The following ERCC6 variants were observed in gnomAD, a reference collection of about 807,000 sequenced individuals.
ERCC6 encodes the protein DNA excision repair protein ERCC-6.
In ERCC6, 116 loss-of-function variants were observed where a neutral mutation model predicts 158.7. That is an observed-to-expected ratio of 0.73 (90% CI 0.63 to 0.85). The LOEUF (loss-of-function observed/expected upper bound fraction) is 0.85. ERCC6 is among the 40% of genes least tolerant of loss of function. The pLI, the probability that ERCC6 is intolerant of heterozygous loss-of-function variation, is 0.00. For missense variants in ERCC6, 1,698 were observed against 1,799.4 expected (o/e 0.94, Z 1.02); for synonymous variants, 678 against 659.3 (o/e 1.03, Z -0.43).
At chr10:49,480,874 T>C (rs1278821031) in intron 10 of ERCC6, among the ~76,000 whole-genome samples, 2 of 152,168 alleles carry the variant, frequency 1.3e-5, no homozygotes, top group East Asian at 1.9e-4. Flanking sequence ...AACAGGCCTA[T>C]AGTCTTTAAA....
rs1811934800 is a variant in ERCC6, at chr10:49,470,723, T to C, written c.3237A>G (p.Glu1079=). The part of the protein sequence containing the change: ...SEEKSEAKGA[E]VNAVTSNRSD... Reference sequence around the variant, plus strand: ...TTCGATTAGAAGTTACTGCATTTACTTCAGCTCCTTTAGCCTCAGATTTCT... The same window carrying C: ...TTCGATTAGAAGTTACTGCATTTACCTCAGCTCCTTTAGCCTCAGATTTCT... Residue 1079 remains glutamate, a synonymous_variant, in exon 18 of 21, where the codon GAA becomes GAG. Transcript: ENST00000355832. 1 of 1,614,164 alleles carries C rather than the reference T, an allele frequency of 6.2e-7. No homozygotes were observed. The highest frequency in any genetic ancestry group is 8.5e-7 in the Non-Finnish European group (1 of 1,180,044).
chr10:49,442,000 T>C, the ERCC6 span, among the ~76,000 whole-genome samples: 3,682 of 152,200 alleles, frequency 0.024, 160 homozygotes, highest in African/African-American at 0.083. Flanking sequence ...TCCAGGACCA[T>C]CTTTGTTGCC....
intron 8 of ERCC6, chr10:49,488,038 C>T (rs2132558038): frequency 6.5e-6 from 1 of 154,776 alleles, no homozygotes; most frequent in South Asian, 2.0e-4. Flanking sequence ...TTATGGACGG[C>T]TCTATCCAAA....
intron 18 of ERCC6, among the ~76,000 whole-genome samples, chr10:49,466,642 C>A (rs568894810): frequency 6.6e-6 from 1 of 152,284 alleles, no homozygotes; most frequent in South Asian, 2.1e-4. Flanking sequence ...ATACCCCATG[C>A]CCAGACAACC....
chr10:49,521,506 C>G (rs1345535055), intron 5 of ERCC6, among the ~76,000 whole-genome samples: 1 of 152,138 alleles, frequency 6.6e-6, no homozygotes, highest in Non-Finnish European at 1.5e-5. Flanking sequence ...CAGCCATAAG[C>G]AAATGGAAAC....
Position 49,537,502 on chromosome 10 carries a change from T to TACACAC in ERCC6, c.-15+1459_-15+1460insGTGTGT, listed in dbSNP as rs1157343253. ...CATTTAAAAACTATATATATATATA[T>TACACAC]ACACATACACACACACACACACACA... On this transcript the variant is annotated intron_variant, in intron 1 of 20. Transcript: ENST00000355832. 8.4e-3 allele frequency among the ~76,000 whole-genome samples: 1,087 copies of TACACAC among 128,904 alleles called. 7 individuals are homozygous for TACACAC. Among genetic ancestry groups the TACACAC allele is most frequent in the African/African-American group, 0.028 (1,021 of 36,480 alleles). 84.6% of individuals were successfully genotyped at this position (128,904 alleles called of 152,430 possible). A position where few individuals can be genotyped will look rare whatever the true frequency, so the allele number is the denominator to read the frequency against.
chr10:49,449,978 T>G (rs1850403743), downstream of ERCC6, among the ~76,000 whole-genome samples: 1 of 152,172 alleles, frequency 6.6e-6, no homozygotes, highest in Non-Finnish European at 1.5e-5. Context: ...GCTCAAGTGA[T>G]CCTCTCACCA....
At chr10:49,463,974 G>C (rs1850627332) in intron 18 of ERCC6, among the ~76,000 whole-genome samples, 2 of 152,188 alleles carry the variant, frequency 1.3e-5, no homozygotes, top group South Asian at 4.1e-4. Flanking sequence ...GTACCAGTGG[G>C]GAGGTGCGCT....
chr10:49,524,739 C>T lies in ERCC6; in HGVS notation c.691G>A (p.Val231Ile), dbSNP rs1475915934. 6.2e-7 allele frequency: 1 copy of T among 1,604,766 alleles called. No individual in the cohort carries two copies. The part of the protein sequence containing the change: ...PSSLGSMLMP[V>I]QETAWEELIR... Reference sequence around the variant, plus strand: ...AGCTCTTCCCAGGCAGTCTCCTGGACAGGCATGAGCATGCTGCCAAGACTG... The same window carrying T: ...AGCTCTTCCCAGGCAGTCTCCTGGATAGGCATGAGCATGCTGCCAAGACTG... The change falls in exon 5 of 21, where the codon GTC becomes ATC. Residue 231 changes from valine (V) to isoleucine (I), a missense_variant. Physicochemically the swap from Val to Ile is conservative, Grantham distance 29. Transcript: ENST00000355832.
intron 9 of ERCC6, 85 bp downstream of exon 9, chr10:49,483,261 A>T: frequency 7.3e-7 from 1 of 1,364,420 alleles, no homozygotes; most frequent in Non-Finnish European, 1.0e-6. Context: ...AAGATTCAAT[A>T]AATGTGTTAC....
chr10:49,460,094 G>T, intron 20 of ERCC6: 1 of 493,022 alleles, frequency 2.0e-6, no homozygotes, highest in South Asian at 2.1e-5. Flanking sequence ...GACAAGGCAG[G>T]CTGTCCTAGC....
Position 49,482,689 on chromosome 10 carries a change from G to A in ERCC6, c.2167C>T (p.Gln723Ter), listed in dbSNP as rs151242354. ...GTATTATCATCCTAATATTTTACCT[G>A]TACTGGGGAAGCATTTGAATATCCC... is the stretch of plus-strand genomic sequence containing the variant. ...MGGYSNASPV[Q>*]VKTAYKCACV... The change falls in exon 10 of 21, where the codon CAG becomes TAG. Residue 723 changes from glutamine (Q) to a stop codon, truncating the protein, a stop_gained and splice_region_variant. Coordinates refer to ENST00000355832, the MANE Select transcript of ERCC6 (RefSeq NM_000124.4). LOFTEE classifies it high-confidence loss of function. The A allele has an allele frequency of 2.5e-4, 402 of 1,613,370 alleles. No homozygotes were observed. Among genetic ancestry groups the A allele is most frequent in the Non-Finnish European group, 3.3e-4 (393 of 1,179,612 alleles).
intron 5 of ERCC6, among the ~76,000 whole-genome samples, chr10:49,509,432 A>G (rs1851499330): frequency 6.6e-6 from 1 of 152,208 alleles, no homozygotes; most frequent in Non-Finnish European, 1.5e-5. Context: ...CTGAACATGT[A>G]TACTTAAACA....
intron 7 of ERCC6, among the ~76,000 whole-genome samples, chr10:49,495,443 C>T (rs541021349): frequency 1.4e-4 from 22 of 152,250 alleles, no homozygotes; most frequent in Middle Eastern, 3.4e-3. Context: ...AATGCACATA[C>T]ATTACTCCAC....
In ERCC6 at chr10:49,470,547, G is replaced by C. The variant is rs777136413; in HGVS notation, c.3413C>G (p.Thr1138Ser). ...GCTTTCATCACCAGATGGCATAGAAGTTTTGCCTGTTCCTGAAGAATTTGA... is the reference window on the plus strand; with the variant it reads ...GCTTTCATCACCAGATGGCATAGAACTTTTGCCTGTTCCTGAAGAATTTGA... The part of the protein sequence containing the change: ...ECSNSSGTGK[T>S]SMPSGDESID... The change falls in exon 18 of 21, where the codon ACT becomes AGT. Residue 1138 changes from threonine (T) to serine (S), a missense_variant. Transcript: ENST00000355832. 1.2e-6 allele frequency: 2 copies of C among 1,614,090 alleles called. No homozygotes were observed. Among genetic ancestry groups the C allele is most frequent in the Non-Finnish European group, 1.7e-6 (2 of 1,180,040 alleles).
intron 18 of ERCC6, among the ~76,000 whole-genome samples, chr10:49,465,947 G>A (rs911798227): frequency 6.6e-6 from 1 of 152,180 alleles, no homozygotes; most frequent in Non-Finnish European, 1.5e-5. Flanking sequence ...GTAAGGAAGG[G>A]GTGGGGACAG....
At chr10:49,537,128 G>C (rs535893168) in intron 1 of ERCC6, among the ~76,000 whole-genome samples, 8 of 151,994 alleles carry the variant, frequency 5.3e-5, no homozygotes, top group Non-Finnish European at 1.0e-4. Flanking sequence ...GGAGGATCAC[G>C]AGGTCAGAAG....
chr10:49,517,252 C>T, intron 5 of ERCC6: 1 of 1,302,636 alleles, frequency 7.7e-7, no homozygotes, highest in Non-Finnish European at 1.0e-6. Flanking sequence ...CTTTTTACCG[C>T]ACAATAGCAT....
chr10:49,511,838 A>G (rs1327731443), intron 5 of ERCC6, among the ~76,000 whole-genome samples: 1 of 152,190 alleles, frequency 6.6e-6, no homozygotes, highest in African/African-American at 2.4e-5. Flanking sequence ...TGAAAACCGA[A>G]TGTAGGCAAA....
Sources: gnomAD v4.1 joint callset for allele counts (sites outside exome capture counted in the v4.1 genomes callset) on GRCh38, gnomAD v4.1.1 for gene constraint, MANE v1.5 for transcripts, NCBI Gene and HGNC (gene_info 2026-07-23, HGNC 2026-07-21) for gene names.